The following CNTN3 variants were observed in gnomAD, a reference collection of about 807,000 sequenced individuals.
CNTN3 encodes contactin 3.
In CNTN3, 60 loss-of-function variants were observed where a neutral mutation model predicts 119.1. The ratio of observed to expected loss-of-function variants is 0.50; its 90% CI spans 0.41 to 0.62. CNTN3 has a LOEUF of 0.62. CNTN3 is among the 20% of genes least tolerant of loss of function. The pLI is 0.00. For missense variants in CNTN3, 1,101 were observed against 1,242.4 expected (o/e 0.89, Z 1.71); for synonymous variants, 450 against 438.7 (o/e 1.03, Z -0.32).
chr3:74,355,654 C>T lies in CNTN3; in HGVS notation c.1364+6236G>A, dbSNP rs557087502. Among the ~76,000 whole-genome samples, 105 of 152,026 alleles carry T rather than the reference C, an allele frequency of 6.9e-4. 4 individuals are homozygous for T. Among genetic ancestry groups the T allele is most frequent in the African/African-American group, 2.5e-3 (103 of 41,402 alleles). On this transcript the variant is annotated intron_variant, in intron 11 of 22. Transcript: ENST00000263665. ...ATTTTTAGTAGAGATGGGGTTTCAC[C>T]ATGTTGGCCAGGCTGGTTTCAAATT...
intron 1 of CNTN3, among the ~76,000 whole-genome samples, chr3:74,586,598 C>T (rs890787862): frequency 1.3e-5 from 2 of 152,038 alleles, no homozygotes; most frequent in Admixed American, 6.6e-5. Context: ...AGTTACTTCC[C>T]TCTGTGAGCC....
chr3:74,278,023 CAA>C (rs747488908), intron 20 of CNTN3, among the ~76,000 whole-genome samples: 1 of 108,244 alleles, frequency 9.2e-6, no homozygotes, highest in South Asian at 3.9e-4. Flanking sequence ...CAATAGCTGC[CAA>C]AAAAAAAAAA....
chr3:74,459,098 G>C (rs183111594), intron 4 of CNTN3, among the ~76,000 whole-genome samples: 1 of 152,096 alleles, frequency 6.6e-6, no homozygotes, highest in Non-Finnish European at 1.5e-5. Context: ...ATTCCAGACT[G>C]ACTGGACTCC....
At chr3:74,579,023 T>G (rs1171601509) in intron 1 of CNTN3, among the ~76,000 whole-genome samples, 1 of 151,838 alleles carries the variant, frequency 6.6e-6, no homozygotes, top group Non-Finnish European at 1.5e-5. Context: ...AAATATACTT[T>G]AAATATGGGT....
At chr3:74,506,515 T>C (rs1393299938) in intron 2 of CNTN3, among the ~76,000 whole-genome samples, 1 of 152,216 alleles carries the variant, frequency 6.6e-6, no homozygotes, top group African/African-American at 2.4e-5. Context: ...TAGCTTTCTG[T>C]ATTTAAATTC....
At chr3:74,598,879 C>T (rs1024034615) in intron 1 of CNTN3, among the ~76,000 whole-genome samples, 2 of 151,888 alleles carry the variant, frequency 1.3e-5, no homozygotes, top group Middle Eastern at 3.2e-3. Flanking sequence ...GATAGGTATA[C>T]AGGCAAGCAA....
chr3:74,390,204 C>A (rs1274527419), intron 5 of CNTN3, among the ~76,000 whole-genome samples: 1 of 152,174 alleles, frequency 6.6e-6, no homozygotes, highest in Non-Finnish European at 1.5e-5. Context: ...ACTTAGGGCT[C>A]TAATAGACCT....
chr3:74,414,335 GT>G (rs34680029), intron 5 of CNTN3, among the ~76,000 whole-genome samples: 2,288 of 152,228 alleles, frequency 0.015, 34 homozygotes, highest in Middle Eastern at 0.041. Flanking sequence ...GTTCACTTCT[GT>G]TTTAGAGTTT....
intron 1 of CNTN3, among the ~76,000 whole-genome samples, chr3:74,584,113 T>C (rs1704556893): frequency 6.6e-6 from 1 of 152,224 alleles, no homozygotes; most frequent in South Asian, 2.1e-4. Flanking sequence ...AACGAAAATA[T>C]TGTTAAAAAC....
chr3:74,406,269 T>C (rs1705321343), intron 5 of CNTN3, among the ~76,000 whole-genome samples: 2 of 152,062 alleles, frequency 1.3e-5, no homozygotes, highest in South Asian at 4.1e-4. Context: ...ACAACAAAGA[T>C]TGTTTCTAAG....
chr3:74,381,998 C>T (rs1191523864), intron 5 of CNTN3, among the ~76,000 whole-genome samples: 9 of 151,952 alleles, frequency 5.9e-5, no homozygotes, highest in African/African-American at 1.9e-4. Context: ...CACCTGTGGT[C>T]GGGAGTTTGA....
chr3:74,276,007 C>G (rs1010744069), intron 20 of CNTN3, among the ~76,000 whole-genome samples: 7 of 152,018 alleles, frequency 4.6e-5, no homozygotes, highest in Non-Finnish European at 8.8e-5. Flanking sequence ...TTATATCAAA[C>G]AAAACAAACT....
intron 5 of CNTN3, among the ~76,000 whole-genome samples, chr3:74,412,174 G>A (rs2106872481): frequency 6.6e-6 from 1 of 152,164 alleles, no homozygotes; most frequent in Non-Finnish European, 1.5e-5. Flanking sequence ...CTTCTTCCAG[G>A]TAAAATCGAT....
At chr3:74,525,176 T>C (rs543200825) in intron 1 of CNTN3, among the ~76,000 whole-genome samples, 12 of 151,912 alleles carry the variant, frequency 7.9e-5, no homozygotes, top group African/African-American at 2.9e-4. Flanking sequence ...CCAATGTTAC[T>C]CTCACCCACA....
rs1258364695 is a variant in CNTN3 at position 74,291,630 on chromosome 3, C to T, written c.2517+3491G>A. On this transcript the variant is annotated intron_variant, in intron 19 of 22. Coordinates refer to ENST00000263665, the MANE Select transcript of CNTN3 (RefSeq NM_020872.3). ...TCCTGACCTCATGATCTGCTTGCCT[C>T]GGCCTCCCAAAGTGCTGGGATTACA... Among the ~76,000 whole-genome samples, 6 of 152,248 alleles carry T rather than the reference C, an allele frequency of 3.9e-5. No homozygotes were observed. The South Asian group carries it at 8.3e-4, about 21-fold the overall frequency.
chr3:74,553,287 A>G (rs1167912973), intron 1 of CNTN3, among the ~76,000 whole-genome samples: 1 of 152,200 alleles, frequency 6.6e-6, no homozygotes, highest in Non-Finnish European at 1.5e-5. Context: ...ATGGCTACAT[A>G]GTATTCCGTG....
intron 18 of CNTN3, 119 bp downstream of exon 18, chr3:74,297,838 C>A: frequency 1.4e-6 from 1 of 718,556 alleles, no homozygotes. Flanking sequence ...CTAACTACTA[C>A]CTGGATGATT....
intron 1 of CNTN3, among the ~76,000 whole-genome samples, chr3:74,589,651 T>C (rs1704664015): frequency 6.8e-6 from 1 of 147,128 alleles, no homozygotes; most frequent in African/African-American, 2.6e-5. Flanking sequence ...TAAAGACACA[T>C]GCACACGTAT....
chr3:74,530,595 T>C (rs192473885), intron 1 of CNTN3, among the ~76,000 whole-genome samples: 212 of 151,470 alleles, frequency 1.4e-3, no homozygotes, highest in African/African-American at 4.8e-3. Context: ...AAATAGTGGG[T>C]TGCAACTGGT....
Sources: gnomAD v4.1 joint callset for allele counts (sites outside exome capture counted in the v4.1 genomes callset) on GRCh38, gnomAD v4.1.1 for gene constraint, MANE v1.5 for transcripts, NCBI Gene and HGNC (gene_info 2026-07-23, HGNC 2026-07-21) for gene names.